FYB2: variants seen among roughly 807,000 people sequenced by gnomAD.
FYB2 encodes FYN binding protein 2.
A neutral mutation model predicts 94.1 loss-of-function variants in FYB2; 103 were observed. The ratio of observed to expected loss-of-function variants is 1.09; its 90% confidence interval spans 0.93 to 1.29. The LOEUF (loss-of-function observed/expected upper bound fraction) is 1.29. FYB2 is among the 50% of genes most tolerant of loss of function. The probability of loss-of-function intolerance (pLI) is 0.00; values close to 1 mark genes in which losing one functional copy is unlikely to be tolerated. For missense variants in FYB2, 896 were observed against 841.5 expected (o/e 1.06, Z -0.80); for synonymous variants, 293 against 287.9 (o/e 1.02, Z -0.18).
intron 5 of FYB2, among the ~76,000 whole-genome samples, chr1:56,760,882 T>A (rs1262981284): frequency 6.6e-6 from 1 of 152,160 alleles, no homozygotes; most frequent in Non-Finnish European, 1.5e-5. Context: ...CCAACATATA[T>A]TCCAAGGTAG....
At chr1:56,752,898 T>G (rs1185738514) in intron 8 of FYB2, among the ~76,000 whole-genome samples, 3 of 152,094 alleles carry the variant, frequency 2.0e-5, no homozygotes, top group Admixed American at 6.5e-5. Context: ...AATCAAACCA[T>G]TCCTGATCTC....
intron 4 of FYB2, among the ~76,000 whole-genome samples, chr1:56,774,567 C>T (rs1020157571): frequency 3.3e-5 from 5 of 152,050 alleles, no homozygotes; most frequent in African/African-American, 9.7e-5. Context: ...TATATATTTT[C>T]ATTTGTGTAT....
intron 6 of FYB2, among the ~76,000 whole-genome samples, chr1:56,757,150 C>T (rs1253173135): frequency 6.6e-6 from 1 of 151,960 alleles, no homozygotes; most frequent in African/African-American, 2.4e-5. Flanking sequence ...TTACTTAAAA[C>T]AGAAAATTGG....
chr1:56,812,605 A>T (rs1057491008), intron 1 of FYB2, among the ~76,000 whole-genome samples: 1 of 152,186 alleles, frequency 6.6e-6, no homozygotes. Flanking sequence ...ATTAATCTTT[A>T]AAAATCTCCC....
chr1:56,757,687 C>CTTCCTTCCTTCCTTCCTTTCTTTCT (rs1293394860), intron 6 of FYB2, among the ~76,000 whole-genome samples: 1 of 71,940 alleles, frequency 1.4e-5, no homozygotes, highest in Non-Finnish European at 2.6e-5. Context: ...TCCTTCCTTC[C>CTTCCTTCCTTCCTTCCTTTCTTTCT]TTCTTTCTTT....
At chr1:56,745,720 C>A (rs1309050184) in intron 9 of FYB2, among the ~76,000 whole-genome samples, 1 of 151,962 alleles carries the variant, frequency 6.6e-6, no homozygotes, top group Non-Finnish European at 1.5e-5. Flanking sequence ...TCAGGTCATG[C>A]CTTTCTTGTA....
At chr1:56,822,149 T>G (rs1260167022), upstream of FYB2, among the ~76,000 whole-genome samples, 1 of 152,046 alleles carries the variant, frequency 6.6e-6, no homozygotes, top group Non-Finnish European at 1.5e-5. Flanking sequence ...CGAGCATCAT[T>G]TTATTTAGTC....
At chr1:56,772,877 G>A (rs908719873) in intron 4 of FYB2, among the ~76,000 whole-genome samples, 4 of 152,108 alleles carry the variant, frequency 2.6e-5, no homozygotes, top group African/African-American at 9.7e-5. Flanking sequence ...CAGAAATATT[G>A]TATTTTAAAA....
chr1:56,724,886 A>G (rs1243173493), intron 16 of FYB2, among the ~76,000 whole-genome samples: 1 of 151,820 alleles, frequency 6.6e-6, no homozygotes, highest in Non-Finnish European at 1.5e-5. Context: ...CTAATGGGAG[A>G]TGTTTGGGTC....
chr1:56,790,799 G>C (rs553799047), intron 2 of FYB2, among the ~76,000 whole-genome samples: 30 of 152,344 alleles, frequency 2.0e-4, no homozygotes, highest in African/African-American at 6.5e-4. Context: ...AGCTGTTGAT[G>C]ATGAGGCAGT....
rs778337969 is a variant in FYB2, at chr1:56,767,953, G to A, written c.954-15C>T. On this transcript the variant is annotated splice_polypyrimidine_tract_variant and intron_variant, in intron 4 of 19. Transcript: ENST00000343433. ...CATTGAAAAGCCTGGAGAAAAAAGG[G>A]TTACTTAAAATGTAACATTTTTAAA... is the stretch of plus-strand genomic sequence containing the variant. 1.6e-5 allele frequency: 25 copies of A among 1,528,916 alleles called. 1 individual carries two copies. In the South Asian group the frequency reaches 2.5e-4, roughly 15 times the overall value. 94.7% of individuals were successfully genotyped at this position (1,528,916 alleles called of 1,614,324 possible). A position where few individuals can be genotyped will look rare whatever the true frequency, so the allele number is the denominator to read the frequency against.
At chr1:56,754,067 G>A (rs1645266625) in intron 7 of FYB2, 132 bp from the exon 8 acceptor site, 5 of 634,236 alleles carry the variant, frequency 7.9e-6, no homozygotes, top group South Asian at 7.9e-5. Context: ...CTTAGATGAA[G>A]GGACTAGGAT....
At chr1:56,819,432 C>T (rs1646961479), upstream of FYB2, 5 of 1,202,642 alleles carry the variant, frequency 4.2e-6, no homozygotes, top group South Asian at 6.6e-5. Flanking sequence ...AGGCTCCCCA[C>T]CTGCCCCATC....
At chr1:56,741,314 A>G (rs1367582095) in intron 12 of FYB2, among the ~76,000 whole-genome samples, 1 of 152,140 alleles carries the variant, frequency 6.6e-6, no homozygotes, top group Non-Finnish European at 1.5e-5. Context: ...TGCAGATTTT[A>G]TGAAGCAGTC....
At chr1:56,756,600 T>A (rs1263481252) in intron 6 of FYB2, among the ~76,000 whole-genome samples, 5 of 152,174 alleles carry the variant, frequency 3.3e-5, no homozygotes, top group African/African-American at 4.8e-5. Flanking sequence ...TCAGAGACTA[T>A]TGGTTCTTAT....
chr1:56,768,599 G>T (rs938156700), intron 4 of FYB2, among the ~76,000 whole-genome samples: 35 of 152,160 alleles, frequency 2.3e-4, no homozygotes, highest in African/African-American at 7.2e-4. Flanking sequence ...CAAAATTGAT[G>T]ATTGAAATTC....
chr1:56,743,970 A>G (rs1034510959), intron 11 of FYB2, 56 bp downstream of exon 11: 2 of 1,548,074 alleles, frequency 1.3e-6, no homozygotes, highest in Admixed American at 3.4e-5. Context: ...CTAATCAGCC[A>G]TAGAAGCATT....
intron 1 of FYB2, among the ~76,000 whole-genome samples, chr1:56,809,665 C>T (rs1170130083): frequency 1.3e-5 from 2 of 152,172 alleles, no homozygotes; most frequent in African/African-American, 4.8e-5. Flanking sequence ...GCTCCTAGAG[C>T]TCCTGTCCCT....
At chr1:56,735,471 G>C (rs115768226) in intron 15 of FYB2, among the ~76,000 whole-genome samples, 1 of 152,130 alleles carries the variant, frequency 6.6e-6, no homozygotes, top group Non-Finnish European at 1.5e-5. Flanking sequence ...GTAGGGAATA[G>C]AGAGAGATTA....
Sources: allele counts gnomAD v4.1 joint callset (sites outside exome capture counted in the v4.1 genomes callset), GRCh38; gene constraint gnomAD v4.1.1; transcripts MANE v1.5; gene names NCBI Gene and HGNC (gene_info 2026-07-23, HGNC 2026-07-21).